Variants in KCNJ6 observed in about 807,000 individuals in gnomAD.
The protein encoded by KCNJ6 is G protein-activated inward rectifier potassium channel 2.
KCNJ6 carries 9 observed loss-of-function variants against 34.2 expected under a neutral mutation model. That is an observed-to-expected ratio of 0.26 (90% CI 0.16 to 0.46). KCNJ6 has a LOEUF of 0.46. Ranked by LOEUF, KCNJ6 falls within the 20% of genes least tolerant of loss-of-function variation. KCNJ6 has a pLI of 1.00. For missense variants in KCNJ6, 236 were observed against 531.3 expected (o/e 0.44, Z 5.46); for synonymous variants, 196 against 207.1 (o/e 0.95, Z 0.46).
rs565923758 is a variant in KCNJ6, at chr21:37,728,551, A to G, written c.26-13420T>C. On this transcript the variant is annotated intron_variant, in intron 2 of 3. Transcript: ENST00000609713. Reference sequence around the variant, plus strand: ...TGTGACTGCATTCTTGTCTCATTGCAGGAAGAGCTTACAAAGAGCTACGAT... The same window carrying G: ...TGTGACTGCATTCTTGTCTCATTGCGGGAAGAGCTTACAAAGAGCTACGAT... Among the ~76,000 whole-genome samples, 4 of 152,242 alleles carry G rather than the reference A, an allele frequency of 2.6e-5. No homozygotes were observed. In the South Asian group the frequency reaches 6.2e-4, roughly 24 times the overall value.
intron 2 of KCNJ6, among the ~76,000 whole-genome samples, chr21:37,827,940 C>T (rs563531745): frequency 7.6e-4 from 115 of 152,228 alleles, no homozygotes; most frequent in African/African-American, 2.6e-3. Context: ...GGCAGAAACT[C>T]GGACCAGAGG....
Position 37,635,040 on chromosome 21 carries a change from G to A in KCNJ6, c.947-9556C>T, listed in dbSNP as rs553110511. 2.6e-5 allele frequency among the ~76,000 whole-genome samples: 4 copies of A among 152,126 alleles called. No individual in the cohort carries two copies. The East Asian group carries it at 5.8e-4, about 22-fold the overall frequency. On this transcript the variant is annotated intron_variant, in intron 3 of 3. Coordinates refer to ENST00000609713, the MANE Select transcript of KCNJ6 (RefSeq NM_002240.5). ...CCAAAGTGTGGGATTACAGGCATGA[G>A]CCACCATGCACAGCCAAATCACTTT...
At chr21:37,780,834 T>A (rs977243381) in intron 2 of KCNJ6, among the ~76,000 whole-genome samples, 2 of 152,220 alleles carry the variant, frequency 1.3e-5, no homozygotes, top group African/African-American at 4.8e-5. Context: ...ACATCTCATG[T>A]ACCCTATACA....
rs147048719 is a variant in KCNJ6, at chr21:37,783,351, A to T, written c.25+57307T>A. On this transcript the variant is annotated intron_variant, in intron 2 of 3. Coordinates refer to ENST00000609713, the MANE Select transcript of KCNJ6 (RefSeq NM_002240.5). Reference sequence around the variant, plus strand: ...AAGGACCCGGTGGACAATAATTTGAATCACAGGGATGGTTTCCCCTATCCT... The same window carrying T: ...AAGGACCCGGTGGACAATAATTTGATTCACAGGGATGGTTTCCCCTATCCT... Among the ~76,000 whole-genome samples, 10 of 152,292 alleles carry T rather than the reference A, an allele frequency of 6.6e-5. No homozygotes were observed. The East Asian group carries it at 1.7e-3, about 26-fold the overall frequency.
intron 3 of KCNJ6, among the ~76,000 whole-genome samples, chr21:37,641,655 A>G (rs1225697930): frequency 6.6e-6 from 1 of 151,890 alleles, no homozygotes; most frequent in Admixed American, 6.6e-5. Flanking sequence ...CTGTTGTAGG[A>G]AGGCTCCTTG....
chr21:37,698,862 A>G (rs2054676157), intron 3 of KCNJ6, among the ~76,000 whole-genome samples: 1 of 151,996 alleles, frequency 6.6e-6, no homozygotes. Flanking sequence ...ACGCTTGGCT[A>G]ATTTTTTTGT....
intron 2 of KCNJ6, among the ~76,000 whole-genome samples, chr21:37,790,697 G>T (rs1202607558): frequency 6.6e-6 from 1 of 152,146 alleles, no homozygotes; most frequent in Non-Finnish European, 1.5e-5. Flanking sequence ...TGTGACTAAG[G>T]GACTGTGACT....
chr21:37,694,313 C>A lies in KCNJ6; in HGVS notation c.946+19898G>T, dbSNP rs940419421. ...TCACCTTCACTCAGACCCTTGACCTCCTCCACCTTGATGGTTCTTTTAGCG... is the reference window on the plus strand; with the variant it reads ...TCACCTTCACTCAGACCCTTGACCTACTCCACCTTGATGGTTCTTTTAGCG... On this transcript the variant is annotated intron_variant, in intron 3 of 3. Coordinates refer to ENST00000609713, the MANE Select transcript of KCNJ6 (RefSeq NM_002240.5). Among the ~76,000 whole-genome samples the A allele has an allele frequency of 2.4e-4, 36 of 152,346 alleles. No individual in the cohort carries two copies. The Middle Eastern group carries it at 0.014, about 58-fold the overall frequency.
chr21:37,695,991 A>C lies in KCNJ6; in HGVS notation c.946+18220T>G, dbSNP rs575144695. ...TAATGTGAGCATCACAAATAATATC[A>C]GTAGCAGATTATAACTCATTGAATA... is the stretch of plus-strand genomic sequence containing the variant. On this transcript the variant is annotated intron_variant, in intron 3 of 3. Coordinates refer to ENST00000609713, the MANE Select transcript of KCNJ6 (RefSeq NM_002240.5). This position sits in a 1 kb window ranked among gnomAD's most constrained non-coding sequence, Gnocchi z 4.2. Among the ~76,000 whole-genome samples, 5 of 152,260 alleles carry C rather than the reference A, an allele frequency of 3.3e-5. No homozygotes were observed. The highest frequency in any genetic ancestry group is 7.3e-5 in the Non-Finnish European group (5 of 68,040).
intron 1 of KCNJ6, among the ~76,000 whole-genome samples, chr21:37,893,732 G>C (rs572584248): frequency 6.7e-6 from 1 of 149,522 alleles, no homozygotes; most frequent in Non-Finnish European, 1.5e-5. Context: ...TATATTCTAC[G>C]GAAGCAGCTG....
intron 2 of KCNJ6, among the ~76,000 whole-genome samples, chr21:37,720,617 A>G (rs1482894586): frequency 1.3e-5 from 2 of 152,162 alleles, no homozygotes; most frequent in Non-Finnish European, 2.9e-5. Flanking sequence ...TTGTTTGGGC[A>G]GTGCCCTTAG....
intron 2 of KCNJ6, among the ~76,000 whole-genome samples, chr21:37,738,051 T>C (rs528003506): frequency 2.2e-4 from 34 of 152,262 alleles, no homozygotes; most frequent in African/African-American, 8.2e-4. Flanking sequence ...TTTCCAGGGC[T>C]GTATTTGTTT....
chr21:37,882,279 A>C (rs1260650142), intron 1 of KCNJ6, among the ~76,000 whole-genome samples: 1 of 152,200 alleles, frequency 6.6e-6, no homozygotes, highest in Non-Finnish European at 1.5e-5. Context: ...CTGGGTATAC[A>C]ATCAATATGT....
At chr21:37,770,730 T>C (rs2055113950) in intron 2 of KCNJ6, among the ~76,000 whole-genome samples, 1 of 152,176 alleles carries the variant, frequency 6.6e-6, no homozygotes, top group Admixed American at 6.5e-5. Context: ...TGGAAGAAGG[T>C]AGTTACATCA....
At chr21:37,643,006 AACAG>A (rs773295866) in intron 3 of KCNJ6, among the ~76,000 whole-genome samples, 11 of 152,306 alleles carry the variant, frequency 7.2e-5, no homozygotes, top group Admixed American at 2.0e-4. Flanking sequence ...TTCTAGTAAA[AACAG>A]ACAGACCTCC....
chr21:37,741,103 C>A (rs1413614412), intron 2 of KCNJ6, among the ~76,000 whole-genome samples: 4 of 152,224 alleles, frequency 2.6e-5, no homozygotes, highest in South Asian at 2.1e-4. Flanking sequence ...CAGGTCAGAT[C>A]TTTCTTTCCC....
intron 1 of KCNJ6, among the ~76,000 whole-genome samples, chr21:37,853,846 G>GTGTGTATATATATATATA (rs71198897): frequency 1.3e-4 from 15 of 115,976 alleles, no homozygotes; most frequent in Non-Finnish European, 2.3e-4. Context: ...ATATATATAT[G>GTGTGTATATATATATATA]TATATATATA....
chr21:37,739,749 C>CATG (rs1313993572), intron 2 of KCNJ6, among the ~76,000 whole-genome samples: 2 of 151,876 alleles, frequency 1.3e-5, no homozygotes, highest in African/African-American at 2.4e-5. Flanking sequence ...TGATGCCATG[C>CATG]ATGATGGGGT....
chr21:37,634,490 T>C (rs1349448395), intron 3 of KCNJ6, among the ~76,000 whole-genome samples: 2 of 152,182 alleles, frequency 1.3e-5, no homozygotes, highest in African/African-American at 4.8e-5. Context: ...TATTCCTTTA[T>C]AGTAACACAA....
Sources: gnomAD v4.1 joint callset for allele counts (sites outside exome capture counted in the v4.1 genomes callset) on GRCh38, gnomAD v4.1.1 for gene constraint, Gnocchi (gnomAD v3.1) non-coding constraint, MANE v1.5 for transcripts, NCBI Gene and HGNC (gene_info 2026-07-23, HGNC 2026-07-21) for gene names.